Variants in NEBL observed in about 807,000 individuals in gnomAD.
NEBL encodes nebulette, also known as LIM and SH3 protein 2.
Under a neutral mutation model 140.2 loss-of-function variants are expected in NEBL, and 122 were observed. The observed-to-expected ratio is 0.87, with a 90% CI of 0.75 to 1.01. The LOEUF is 1.01. Among genes scored for constraint, NEBL ranks in the 50% least tolerant of loss-of-function variants. NEBL has a pLI of 0.00. For synonymous variants in NEBL, 436 were observed against 398.9 expected, an observed-to-expected ratio of 1.09 and a Z score of -1.11; for missense variants, 1,365 against 1,231.3, an observed-to-expected ratio of 1.11 and a Z score of -1.62.
Position 20,819,282 on chromosome 10 carries a change from C to G in NEBL, c.2055+142G>C, listed in dbSNP as rs528070096. 3 of 1,355,810 alleles carry G rather than the reference C, an allele frequency of 2.2e-6. No individual in the cohort carries two copies. The African/African-American group carries it at 4.4e-5, about 20-fold the overall frequency. The allele number at this position is 1,355,810 out of a possible 1,614,324, so 84.0% of individuals were successfully genotyped here. Reference sequence around the variant, plus strand: ...CCTCTATGTGTCCATGTATTCTCATCATTTAGCTCTCATTATTATGCAGTA... The same window carrying G: ...CCTCTATGTGTCCATGTATTCTCATGATTTAGCTCTCATTATTATGCAGTA... On this transcript the variant is annotated intron_variant, in intron 20 of 27. Transcript: ENST00000377122.
intron 21 of NEBL, among the ~76,000 whole-genome samples, chr10:20,816,207 T>C (rs1838707240): frequency 6.6e-6 from 1 of 152,202 alleles, no homozygotes; most frequent in East Asian, 1.9e-4. Flanking sequence ...AGTACATGTG[T>C]CCAAATCACT....
intron 20 of NEBL, 134 bp from the exon 21 acceptor site, chr10:20,817,826 T>G: frequency 1.3e-6 from 1 of 749,520 alleles, no homozygotes. Context: ...ACCTTCACGC[T>G]TACATATACG....
At chr10:20,926,177 G>A (rs1833905727) in intron 4 of NEBL, among the ~76,000 whole-genome samples, 1 of 152,112 alleles carries the variant, frequency 6.6e-6, no homozygotes, top group Non-Finnish European at 1.5e-5. Context: ...TATGTTACAG[G>A]CAAAAAGAAC....
chr10:21,291,523 G>C (rs572771858), intron 1 of NEBL, among the ~76,000 whole-genome samples: 54 of 150,062 alleles, frequency 3.6e-4, no homozygotes, highest in Non-Finnish European at 7.0e-4. Flanking sequence ...AAAAAAAGAA[G>C]AAGAAGAAGC....
intron 2 of NEBL, among the ~76,000 whole-genome samples, chr10:20,895,008 A>T (rs1244713088): frequency 6.6e-6 from 1 of 152,020 alleles, no homozygotes; most frequent in African/African-American, 2.4e-5. Context: ...TGCCACAAAA[A>T]TCTGTAATAA....
chr10:21,097,221 G>C (rs1352333104), intron 2 of NEBL, among the ~76,000 whole-genome samples: 1 of 39,662 alleles, frequency 2.5e-5, no homozygotes. Flanking sequence ...GGGAGGTCCG[G>C]GGGGGGGGTG....
Position 21,024,923 on chromosome 10 carries a change from A to G in NEBL, c.165-4722T>C, listed in dbSNP as rs552616702. 2.0e-4 allele frequency among the ~76,000 whole-genome samples: 31 copies of G among 152,346 alleles called. 1 individual carries two copies. The highest frequency in any genetic ancestry group is 1.4e-3 in the South Asian group (7 of 4,828). The stretch of plus-strand genomic sequence containing the variant: ...GAGAGAAGTCAAGCATCTAACACGA[A>G]TCGGTAGCACCATACAATTAATTCT... On this transcript the variant is annotated intron_variant, in intron 2 of 6. Transcript: ENST00000417816.
At chr10:21,120,407 T>TAA (rs1564518089) in intron 2 of NEBL, among the ~76,000 whole-genome samples, 4 of 124,526 alleles carry the variant, frequency 3.2e-5, no homozygotes, top group African/African-American at 1.4e-4. Flanking sequence ...TATATATATA[T>TAA]ATATATATAT....
chr10:21,227,229 GT>G, intron 3 of NEBL, among the ~76,000 whole-genome samples: 1 of 152,096 alleles, frequency 6.6e-6, no homozygotes, highest in South Asian at 2.1e-4. Flanking sequence ...AGGATAGAGG[GT>G]TCCTTTTCAG....
chr10:21,172,320 G>T, intron 2 of NEBL: 1 of 1,296,130 alleles, frequency 7.7e-7, no homozygotes. Flanking sequence ...AAAACAGGCA[G>T]GTCCACTGGC....
chr10:21,119,565 G>A (rs1350609591), intron 2 of NEBL, among the ~76,000 whole-genome samples: 2 of 149,298 alleles, frequency 1.3e-5, no homozygotes, highest in East Asian at 3.9e-4. Context: ...TATTATAAAT[G>A]AATATTACCA....
chr10:20,811,657 T>A (rs2130780600), intron 24 of NEBL, among the ~76,000 whole-genome samples: 1 of 152,352 alleles, frequency 6.6e-6, no homozygotes, highest in East Asian at 1.9e-4. Flanking sequence ...TTTAGCACCC[T>A]GGTTTTGTAA....
Position 21,190,792 on chromosome 10 carries a change from A to G in NEBL, n.349-18315T>C, listed in dbSNP as rs955730886. Among the ~76,000 whole-genome samples the G allele has an allele frequency of 2.0e-5, 3 of 152,354 alleles. No individual in the cohort carries two copies. The East Asian group carries it at 5.8e-4, about 29-fold the overall frequency. On this transcript the variant is annotated intron_variant and non_coding_transcript_variant, in intron 3 of 8. Coordinates refer to the NEBL transcript ENST00000675702. ...AAAATGATTATTATGCTTGTAGAATAAAACAAAATGCTAATTTAACCAGCA... is the reference window on the plus strand; with the variant it reads ...AAAATGATTATTATGCTTGTAGAATGAAACAAAATGCTAATTTAACCAGCA...
chr10:21,040,453 A>G (rs1834221386), intron 2 of NEBL, among the ~76,000 whole-genome samples: 1 of 152,316 alleles, frequency 6.6e-6, no homozygotes, highest in African/African-American at 2.4e-5. Flanking sequence ...GTCATGGCAG[A>G]AGGTGAAGGG....
chr10:21,243,756 A>G (rs1312628495), intron 3 of NEBL, among the ~76,000 whole-genome samples: 2 of 152,144 alleles, frequency 1.3e-5, no homozygotes, highest in Non-Finnish European at 2.9e-5. Flanking sequence ...TCCTTTCCGC[A>G]TTCTCCCCAC....
chr10:20,914,166 C>T (rs1030692674), intron 4 of NEBL, among the ~76,000 whole-genome samples: 4 of 152,142 alleles, frequency 2.6e-5, no homozygotes, highest in Admixed American at 6.5e-5. Flanking sequence ...ATGTGTTTTG[C>T]GCGTTTGAAC....
upstream of NEBL, chr10:20,897,419 A>C: frequency 7.7e-7 from 1 of 1,303,656 alleles, no homozygotes; most frequent in Non-Finnish European, 9.7e-7. Context: ...TGGCCTCACA[A>C]GTGGAAATAA....
intron 2 of NEBL, among the ~76,000 whole-genome samples, chr10:21,087,954 C>T (rs1048360998): frequency 6.6e-6 from 1 of 152,118 alleles, no homozygotes; most frequent in Non-Finnish European, 1.5e-5. Flanking sequence ...TTTGCAATAC[C>T]GAAAATGCCA....
At chr10:21,182,993 T>C (rs999307368) in intron 3 of NEBL, among the ~76,000 whole-genome samples, 1 of 152,154 alleles carries the variant, frequency 6.6e-6, no homozygotes, top group Non-Finnish European at 1.5e-5. Context: ...CAGCATAATA[T>C]TCATTCACCC....
Sources: allele counts gnomAD v4.1 joint callset (sites outside exome capture counted in the v4.1 genomes callset), GRCh38; gene constraint gnomAD v4.1.1; transcripts MANE v1.5; gene names NCBI Gene and HGNC (gene_info 2026-07-23, HGNC 2026-07-21).